Variants in DNAH2 observed in about 807,000 individuals in gnomAD.
The protein encoded by DNAH2 is axonemal beta dynein heavy chain 2.
DNAH2 carries 323 observed loss-of-function variants against 523.5 expected under a neutral mutation model. The ratio of observed to expected loss-of-function variants is 0.62; its 90% CI spans 0.56 to 0.68. The LOEUF is 0.68. DNAH2 is among the 30% of genes least tolerant of loss of function. The pLI, the probability that DNAH2 is intolerant of heterozygous loss-of-function variation, is 0.00. For synonymous variants in DNAH2, 2,093 were observed against 2,177.4 expected, an observed-to-expected ratio of 0.96 and a Z score of 1.08; for missense variants, 4,907 against 5,701.5, an observed-to-expected ratio of 0.86 and a Z score of 4.49.
intron 63 of DNAH2, among the ~76,000 whole-genome samples, chr17:7,812,353 C>T (rs1409919309): frequency 6.6e-6 from 1 of 152,084 alleles, no homozygotes; most frequent in African/African-American, 2.4e-5. Context: ...CTTGGTGGCT[C>T]ATGCCTGTGA....
chr17:7,786,041 C>T lies in DNAH2; in HGVS notation c.6130-83C>T, dbSNP rs2076723583. The T allele has an allele frequency of 7.0e-7, 1 of 1,436,544 alleles. No homozygotes were observed. The highest frequency in any genetic ancestry group is 1.4e-5 in the African/African-American group (1 of 71,458). The allele number at this position is 1,436,544 out of a possible 1,614,324, so 89.0% of individuals were successfully genotyped here. Reference sequence around the variant, plus strand: ...CCATTTTTAACAGTTTGAACGTATTCTCTCTGGCACCGGGGAGATTTTGAA... The same window carrying T: ...CCATTTTTAACAGTTTGAACGTATTTTCTCTGGCACCGGGGAGATTTTGAA... On this transcript the variant is annotated intron_variant, in intron 39 of 85. Transcript: ENST00000572933. The surrounding 1 kb of genome is among the most constrained non-coding windows in gnomAD (Gnocchi z 7.5).
Position 7,759,468 on chromosome 17 carries a change from T to C in DNAH2, c.2495T>C (p.Met832Thr). 6.2e-7 allele frequency: 1 copy of C among 1,614,106 alleles called. No individual in the cohort carries two copies. Among genetic ancestry groups the C allele is most frequent in the Non-Finnish European group, 8.5e-7 (1 of 1,180,010 alleles). ...TACATGATTCGGCTGGACCGCATGA[T>C]GGAGGATGCCCTGCGCCTGAATGTG... is the stretch of plus-strand genomic sequence containing the variant. ...MLYMIRLDRM[M>T]EDALRLNVKW... Residue 832 changes from methionine (M) to threonine (T), a missense_variant, in exon 16 of 86, where the codon ATG becomes ACG. Met to Thr is a moderately conservative substitution (Grantham distance 81, BLOSUM62 -1). This residue lies in a region of DNAH2 where 2,806 missense variants were observed against 3,190.8 expected (regional missense o/e 0.88). Coordinates refer to ENST00000572933, the MANE Select transcript of DNAH2 (RefSeq NM_020877.5).
At chr17:7,813,348 C>T (rs2077572573) in intron 63 of DNAH2, among the ~76,000 whole-genome samples, 1 of 151,814 alleles carries the variant, frequency 6.6e-6, no homozygotes, top group Non-Finnish European at 1.5e-5. Flanking sequence ...GCCTCTGCCT[C>T]CCAGAGTGCT....
rs754381292 is a variant in DNAH2, at chr17:7,819,198, C to T, written c.10816-11C>T. The T allele has an allele frequency of 1.4e-5, 23 of 1,612,782 alleles. No homozygotes were observed. Among genetic ancestry groups the T allele is most frequent in the Non-Finnish European group, 1.9e-5 (22 of 1,180,020 alleles). On this transcript the variant is annotated splice_polypyrimidine_tract_variant and intron_variant, in intron 71 of 85. Coordinates refer to ENST00000572933, the MANE Select transcript of DNAH2 (RefSeq NM_020877.5). ...CTCAGTGGCCCTGACTCCACCCATCCCCACCGGCAGGCTTACCGCCCATGC... is the reference window on the plus strand; with the variant it reads ...CTCAGTGGCCCTGACTCCACCCATCTCCACCGGCAGGCTTACCGCCCATGC...
chr17:7,822,236 G>A (rs902854310), intron 73 of DNAH2, among the ~76,000 whole-genome samples: 2 of 152,194 alleles, frequency 1.3e-5, no homozygotes, highest in African/African-American at 4.8e-5. Flanking sequence ...CTCCCAAAGT[G>A]CTGGGATTAT....
chr17:7,723,009 G>T (rs1457463478), intron 2 of DNAH2, among the ~76,000 whole-genome samples: 1 of 108,122 alleles, frequency 9.2e-6, no homozygotes, highest in Admixed American at 1.5e-4. Flanking sequence ...TCGCTCTGTT[G>T]CCCAGGCTGG....
chr17:7,797,117 A>C lies in DNAH2; in HGVS notation c.7864-59A>C, dbSNP rs2077088157. On this transcript the variant is annotated intron_variant, in intron 50 of 85. Coordinates refer to ENST00000572933, the MANE Select transcript of DNAH2 (RefSeq NM_020877.5). The stretch of plus-strand genomic sequence containing the variant: ...ACTCTGTCCCAAAAAAAAAAAAAAA[A>C]AAAACTTCTGGAGGGAATCTTTTTG... 2.7e-6 allele frequency: 4 copies of C among 1,500,256 alleles called. No homozygotes were observed. In the East Asian group the frequency reaches 6.8e-5, roughly 25 times the overall value. 92.9% of individuals were successfully genotyped at this position (1,500,256 alleles called of 1,614,324 possible).
In DNAH2 at chr17:7,788,205, C is replaced by T. The variant is rs2076798056; in HGVS notation, c.6861C>T (p.Leu2287=). The T allele has an allele frequency of 1.2e-6, 2 of 1,607,792 alleles. No individual in the cohort carries two copies. The highest frequency in any genetic ancestry group is 4.5e-5 in the East Asian group (2 of 44,792). Reference sequence around the variant, plus strand: ...CCGAGTACAGCGGTATCACCTCCCTCTGCAAGCTGTACTCTGCCCTGGCCA... The same window carrying T: ...CCGAGTACAGCGGTATCACCTCCCTTTGCAAGCTGTACTCTGCCCTGGCCA... The part of the protein sequence containing the change: ...PLPEYSGITS[L]CKLYSALATP... The change falls in exon 44 of 86, where the codon CTC becomes CTT. Residue 2287 remains leucine, a synonymous_variant. Coordinates refer to ENST00000572933, the MANE Select transcript of DNAH2 (RefSeq NM_020877.5).
chr17:7,780,362 G>A lies in DNAH2; in HGVS notation c.5850+78G>A. The A allele has an allele frequency of 1.3e-6, 2 of 1,595,252 alleles. No individual in the cohort carries two copies. The highest frequency in any genetic ancestry group is 1.7e-6 in the Non-Finnish European group (2 of 1,169,876). ...TCCCTGGACAGAGGAGCTCCCCAAG[G>A]GCCTCACAATCAGCTTATCCTCTAA... On this transcript the variant is annotated intron_variant, in intron 37 of 85. Coordinates refer to ENST00000572933, the MANE Select transcript of DNAH2 (RefSeq NM_020877.5). This position sits in a 1 kb window ranked among gnomAD's most constrained non-coding sequence, Gnocchi z 4.4.
At chr17:7,721,634 T>TA (rs1422448497) in intron 2 of DNAH2, among the ~76,000 whole-genome samples, 1 of 152,230 alleles carries the variant, frequency 6.6e-6, no homozygotes, top group Non-Finnish European at 1.5e-5. Flanking sequence ...CTCTTAGTTT[T>TA]CCTTTCTGGA....
Position 7,760,805 on chromosome 17 carries a change from C to T in DNAH2, c.2851C>T (p.Leu951=). The T allele has an allele frequency of 6.2e-7, 1 of 1,614,210 alleles. No individual in the cohort carries two copies. The change falls in exon 18 of 86, where the codon CTG becomes TTG. Residue 951 remains leucine (L), a synonymous_variant. Coordinates refer to ENST00000572933, the MANE Select transcript of DNAH2 (RefSeq NM_020877.5). This position sits in a 1 kb window ranked among gnomAD's most constrained non-coding sequence, Gnocchi z 4.0. ...CAGCGGCATGACTAACAACGCAAGCCTGCTGCAGAACTACCTCAAGACCTG... is the reference window on the plus strand; with the variant it reads ...CAGCGGCATGACTAACAACGCAAGCTTGCTGCAGAACTACCTCAAGACCTG... ...ISSGMTNNAS[L]LQNYLKTWDM...
intron 12 of DNAH2, among the ~76,000 whole-genome samples, chr17:7,748,753 C>T (rs528763114): frequency 4.6e-4 from 70 of 151,922 alleles, no homozygotes; most frequent in South Asian, 2.7e-3. Context: ...ACCTCAGCCT[C>T]CCAAAGCGTT....
intron 12 of DNAH2, among the ~76,000 whole-genome samples, chr17:7,745,231 G>A (rs555977635): frequency 6.6e-6 from 1 of 152,248 alleles, no homozygotes; most frequent in Admixed American, 6.5e-5. Context: ...CTGACCTCAG[G>A]TGATCTGGCC....
chr17:7,830,600 T>C (rs1488117605), intron 78 of DNAH2, 58 bp from the exon 79 acceptor site: 5 of 1,609,764 alleles, frequency 3.1e-6, no homozygotes, highest in Non-Finnish European at 4.2e-6. Flanking sequence ...TGAAGCCCCA[T>C]TGGCAGATTT....
chr17:7,733,603 G>A (rs1056776354), intron 5 of DNAH2, among the ~76,000 whole-genome samples: 12 of 150,946 alleles, frequency 7.9e-5, no homozygotes, highest in Non-Finnish European at 1.5e-4. Flanking sequence ...TCAGACTCTC[G>A]AGTAGCTGGG....
Position 7,833,188 on chromosome 17 carries a change from C to G in DNAH2, c.13096C>G (p.Arg4366Gly). Residue 4366 changes from arginine to glycine, a missense_variant, in exon 85 of 86, where the codon CGG becomes GGG. Around this residue, in one of 3 missense-constraint regions of DNAH2, gnomAD observed 1,851 missense variants for 2,139.4 expected, o/e 0.87. Coordinates refer to ENST00000572933, the MANE Select transcript of DNAH2 (RefSeq NM_020877.5). The part of the protein sequence containing the change: ...LVCLMPTIHF[R>G]PAESRKKSAK... ...CTGCCTCATGCCCACGATCCACTTCCGGCCTGCAGAGAGCCGCAAGAAGAG... is the reference window on the plus strand; with the variant it reads ...CTGCCTCATGCCCACGATCCACTTCGGGCCTGCAGAGAGCCGCAAGAAGAG... The G allele has an allele frequency of 6.2e-7, 1 of 1,608,368 alleles. No individual in the cohort carries two copies. The highest frequency in any genetic ancestry group is 1.1e-5 in the South Asian group (1 of 91,070).
At chr17:7,797,600 A>G in intron 52 of DNAH2, 70 bp downstream of exon 52, 1 of 1,613,856 alleles carries the variant, frequency 6.2e-7, no homozygotes, top group Non-Finnish European at 8.5e-7. Context: ...GAGTCAGGGC[A>G]TGGGGTCTGA....
Position 7,763,865 on chromosome 17 carries a change from G to A in DNAH2, c.3013G>A (p.Glu1005Lys), listed in dbSNP as rs1189492161. 2.5e-6 allele frequency: 4 copies of A among 1,614,180 alleles called. No individual in the cohort carries two copies. Among genetic ancestry groups the A allele is most frequent in the Non-Finnish European group, 3.4e-6 (4 of 1,180,034 alleles). Residue 1005 changes from glutamate to lysine, a missense_variant, in exon 19 of 86, where the codon GAG becomes AAG. This residue lies in a region of DNAH2 where 2,806 missense variants were observed against 3,190.8 expected (regional missense o/e 0.88). Coordinates refer to ENST00000572933, the MANE Select transcript of DNAH2 (RefSeq NM_020877.5). ...TEVANNVQKE[E>K]TVTNIQFVLL... ...AGTTGCTAATAACGTGCAGAAGGAG[G>A]AGACAGTCACCAACATCCAGTTTGT...
intron 12 of DNAH2, among the ~76,000 whole-genome samples, chr17:7,750,635 C>G (rs1449403731): frequency 6.6e-6 from 1 of 152,148 alleles, no homozygotes; most frequent in African/African-American, 2.4e-5. Context: ...TGGCCTCTCT[C>G]TTTTACTTTG....
Sources: gnomAD v4.1 joint callset for allele counts (sites outside exome capture counted in the v4.1 genomes callset) on GRCh38, gnomAD v4.1.1 for gene constraint, gnomAD v4.1.1 regional missense constraint, Gnocchi (gnomAD v3.1) non-coding constraint, MANE v1.5 for transcripts, NCBI Gene and HGNC (gene_info 2026-07-23, HGNC 2026-07-21) for gene names.